The following ORC3 variants were observed in gnomAD, a reference collection of about 807,000 sequenced individuals.
ORC3 encodes origin recognition complex subunit 3.
Under a neutral mutation model 100.7 loss-of-function variants are expected in ORC3, and 78 were observed. The ratio of observed to expected loss-of-function variants is 0.77; its 90% CI spans 0.65 to 0.94. The LOEUF (loss-of-function observed/expected upper bound fraction) is 0.94. ORC3 is among the 40% of genes least tolerant of loss of function. The probability of loss-of-function intolerance (pLI) is 0.00; values close to 1 mark genes in which losing one functional copy is unlikely to be tolerated. For synonymous variants in ORC3, 295 were observed against 289.3 expected (o/e 1.02, Z -0.20); for missense variants, 789 against 823.9 (o/e 0.96, Z 0.52).
At chr6:87,619,595 G>A (rs1230954591) in intron 9 of ORC3, among the ~76,000 whole-genome samples, 1 of 152,056 alleles carries the variant, frequency 6.6e-6, no homozygotes, top group Non-Finnish European at 1.5e-5. Flanking sequence ...TAGTAGAGAT[G>A]GGGTTTCACC....
chr6:87,643,299 G>A (rs374539057), intron 13 of ORC3, among the ~76,000 whole-genome samples: 2 of 152,122 alleles, frequency 1.3e-5, no homozygotes, highest in Non-Finnish European at 2.9e-5. Context: ...TGTTGGGAAC[G>A]CTGGTATGGT....
At chr6:87,619,030 A>G (rs187953042) in intron 9 of ORC3, among the ~76,000 whole-genome samples, 57 of 152,330 alleles carry the variant, frequency 3.7e-4, no homozygotes, top group Middle Eastern at 3.4e-3. Flanking sequence ...CTTATCCTTA[A>G]AAGGTGGCAG....
chr6:87,592,502 G>A (rs1256393562), intron 1 of ORC3, among the ~76,000 whole-genome samples: 5 of 152,210 alleles, frequency 3.3e-5, no homozygotes, highest in African/African-American at 9.6e-5. Flanking sequence ...GTTGGTGGGC[G>A]CCTGTAATCC....
At chr6:87,625,157 C>T (rs1180891456) in intron 11 of ORC3, among the ~76,000 whole-genome samples, 3 of 152,266 alleles carry the variant, frequency 2.0e-5, no homozygotes, top group Admixed American at 6.5e-5. Flanking sequence ...AATAAACACA[C>T]GTGTGCATGT....
chr6:87,634,281 GA>G (rs1190445452), intron 11 of ORC3, among the ~76,000 whole-genome samples: 1 of 151,536 alleles, frequency 6.6e-6, no homozygotes, highest in Non-Finnish European at 1.5e-5. Flanking sequence ...ACCAGTATTG[GA>G]GATCTCAGCA....
At chr6:87,674,162 T>C in the ORC3 span, among the ~76,000 whole-genome samples, 94,587 of 151,558 alleles carry the variant, frequency 0.62, 30,699 homozygotes, top group African/African-American at 0.81. Context: ...ATTAGCCGGG[T>C]GTGGTGGCAC....
At chr6:87,604,396 T>C (rs898239544) in intron 4 of ORC3, among the ~76,000 whole-genome samples, 1 of 152,190 alleles carries the variant, frequency 6.6e-6, no homozygotes, top group African/African-American at 2.4e-5. Context: ...ATGCCCATAG[T>C]CCCAGGACCA....
At chr6:87,628,796 C>T (rs2128272797) in intron 11 of ORC3, among the ~76,000 whole-genome samples, 1 of 152,268 alleles carries the variant, frequency 6.6e-6, no homozygotes, top group South Asian at 2.1e-4. Flanking sequence ...CCTTTGACCC[C>T]ACCTCTTTCT....
downstream of ORC3, among the ~76,000 whole-genome samples, chr6:87,670,462 A>G (rs957125659): frequency 6.6e-6 from 1 of 152,130 alleles, no homozygotes; most frequent in Non-Finnish European, 1.5e-5. Context: ...CACCGTGCCC[A>G]GTCGAAAACT....
intron 1 of ORC3, among the ~76,000 whole-genome samples, 167 bp downstream of exon 1, chr6:87,590,359 G>A (rs1776700080): frequency 6.6e-6 from 1 of 152,202 alleles, no homozygotes; most frequent in African/African-American, 2.4e-5. Flanking sequence ...GGCCAACTTT[G>A]CTTGGGGAGC....
intron 13 of ORC3, among the ~76,000 whole-genome samples, chr6:87,645,496 T>G (rs1768690821): frequency 6.6e-6 from 1 of 152,264 alleles, no homozygotes; most frequent in Non-Finnish European, 1.5e-5. Context: ...ACATGCTTTT[T>G]ATTATTTTTA....
chr6:87,659,603 C>T (rs1322758493), intron 16 of ORC3, among the ~76,000 whole-genome samples: 2 of 151,934 alleles, frequency 1.3e-5, no homozygotes, highest in Admixed American at 6.6e-5. Context: ...CAACCAAGGC[C>T]GGGCGCATTG....
At chr6:87,602,254 C>G (rs1368821343) in intron 3 of ORC3, among the ~76,000 whole-genome samples, 9 of 152,054 alleles carry the variant, frequency 5.9e-5, no homozygotes, top group African/African-American at 2.2e-4. Context: ...AAAAAAAACT[C>G]ATATTTCTTG....
At chr6:87,642,693 G>A (rs1049974583) in intron 13 of ORC3, among the ~76,000 whole-genome samples, 11 of 151,570 alleles carry the variant, frequency 7.3e-5, no homozygotes, top group Admixed American at 7.2e-4. Flanking sequence ...ACGAGGTCAG[G>A]AGATTGAGAC....
the ORC3 span, chr6:87,675,547 G>C: frequency 2.5e-6 from 4 of 1,609,614 alleles, no homozygotes; most frequent in Admixed American, 1.7e-5. Flanking sequence ...GGGACCTCTT[G>C]CAACAACTCA....
chr6:87,677,127 C>T, the ORC3 span, among the ~76,000 whole-genome samples: 1 of 151,174 alleles, frequency 6.6e-6, no homozygotes, highest in East Asian at 1.9e-4. Flanking sequence ...AATAAAAAGA[C>T]CTTTCTACTC....
At chr6:87,606,208 C>T (rs1159931673) in intron 5 of ORC3, among the ~76,000 whole-genome samples, 187 bp downstream of exon 5, 1 of 152,146 alleles carries the variant, frequency 6.6e-6, no homozygotes, top group Non-Finnish European at 1.5e-5. Context: ...CCTTCTTTTG[C>T]TGTCTTTGTT....
At chr6:87,672,758 T>G in the ORC3 span, among the ~76,000 whole-genome samples, 1 of 152,208 alleles carries the variant, frequency 6.6e-6, no homozygotes, top group Non-Finnish European at 1.5e-5. Flanking sequence ...TCGTGTCAAG[T>G]GCTTGCCATA....
chr6:87,655,353 A>ATTTT (rs34459713), intron 14 of ORC3, among the ~76,000 whole-genome samples: 1 of 137,530 alleles, frequency 7.3e-6, no homozygotes, highest in Admixed American at 7.4e-5. Flanking sequence ...ATCCAGCTGA[A>ATTTT]TTTTTTTTTT....
Sources: gnomAD v4.1 joint callset for allele counts (sites outside exome capture counted in the v4.1 genomes callset) on GRCh38, gnomAD v4.1.1 for gene constraint, MANE v1.5 for transcripts, NCBI Gene and HGNC (gene_info 2026-07-23, HGNC 2026-07-21) for gene names.